The following BLOC1S3 variants were observed in gnomAD, a reference collection of about 807,000 sequenced individuals.
BLOC1S3 encodes biogenesis of lysosome-related organelles complex 1 subunit 3.
BLOC1S3 carries 7 observed loss-of-function variants against 9.1 expected under a neutral mutation model. The ratio of observed to expected loss-of-function variants is 0.77; its 90% CI spans 0.44 to 1.45. The LOEUF (loss-of-function observed/expected upper bound fraction) is 1.45. Among genes scored for constraint, BLOC1S3 ranks in the 40% most tolerant of loss-of-function variants. The pLI is 0.01. For missense variants in BLOC1S3, 307 were observed against 315.2 expected, an observed-to-expected ratio of 0.97 and a Z score of 0.20; for synonymous variants, 145 against 158.4, an observed-to-expected ratio of 0.92 and a Z score of 0.64.
chr19:45,195,396 G>A (rs1359640014), intron 2 of BLOC1S3, among the ~76,000 whole-genome samples: 1 of 151,550 alleles, frequency 6.6e-6, no homozygotes, highest in Non-Finnish European at 1.5e-5. Flanking sequence ...TACCAGAGAC[G>A]GGGTTTTGGA....
chr19:45,216,044 C>CT, intron 3 of BLOC1S3: 1 of 1,610,310 alleles, frequency 6.2e-7, no homozygotes, highest in Non-Finnish European at 8.5e-7. Flanking sequence ...CCAGGCACGG[C>CT]GAGCCCTGGC....
chr19:45,215,509 T>C (rs1181638666), intron 3 of BLOC1S3, among the ~76,000 whole-genome samples: 1 of 152,106 alleles, frequency 6.6e-6, no homozygotes, highest in Non-Finnish European at 1.5e-5. Context: ...AAGATGCTTA[T>C]TTAGGTCTGA....
rs142778658 is a variant in BLOC1S3, at chr19:45,213,911, G to A, written n.283-2765G>A. On this transcript the variant is annotated intron_variant and non_coding_transcript_variant, in intron 3 of 3. Transcript: ENST00000591569. ...AGAGGTTGCAGTGAGCTGAGATCGCGCCACTGCAGTCCAGCCTGGGTGACA... is the reference window on the plus strand; with the variant it reads ...AGAGGTTGCAGTGAGCTGAGATCGCACCACTGCAGTCCAGCCTGGGTGACA... Among the ~76,000 whole-genome samples, 338 of 151,860 alleles carry A rather than the reference G, an allele frequency of 2.2e-3. 11 individuals carry two copies. In the East Asian group the frequency reaches 0.05, roughly 22 times the overall value.
intron 3 of BLOC1S3, among the ~76,000 whole-genome samples, chr19:45,210,228 AG>A (rs1969757648): frequency 7.4e-6 from 1 of 136,046 alleles, no homozygotes; most frequent in Admixed American, 7.2e-5. Flanking sequence ...AATGAGTATG[AG>A]GTTTCTTTAT....
intron 2 of BLOC1S3, among the ~76,000 whole-genome samples, chr19:45,188,796 T>A (rs1427650989): frequency 6.6e-6 from 1 of 151,614 alleles, no homozygotes; most frequent in African/African-American, 2.4e-5. Context: ...GGTCTCGAAC[T>A]CCTGACCTCA....
intron 3 of BLOC1S3, among the ~76,000 whole-genome samples, chr19:45,215,734 C>T (rs1449382313): frequency 1.3e-5 from 2 of 152,144 alleles, no homozygotes; most frequent in African/African-American, 2.4e-5. Context: ...TGTCCCAGTG[C>T]GTGTGCGCCC....
chr19:45,212,892 G>T, intron 3 of BLOC1S3: 1 of 646,770 alleles, frequency 1.5e-6, no homozygotes, highest in South Asian at 3.1e-5. Flanking sequence ...GAGCCACCGT[G>T]CCTGGCGTTT....
chr19:45,184,903 C>CAAACAAA (rs1334862577), downstream of BLOC1S3, among the ~76,000 whole-genome samples: 13 of 48,288 alleles, frequency 2.7e-4, no homozygotes, highest in African/African-American at 9.2e-4. Context: ...CTGTCTCAAA[C>CAAACAAA]AAAAAAAAAA....
rs1188958217 is a variant in BLOC1S3 at position 45,179,876 on chromosome 19, C to G, written c.580C>G (p.Pro194Ala). ...PDIRGVPGTE[P>A]EKDPGPRA ...CATCCGCGGCGTGCCAGGGACCGAGCCTGAGAAAGACCCGGGGCCGCGGGC... is the reference window on the plus strand; with the variant it reads ...CATCCGCGGCGTGCCAGGGACCGAGGCTGAGAAAGACCCGGGGCCGCGGGC... Residue 194 changes from proline to alanine, a missense_variant, in exon 2 of 2, where the codon CCT (proline) becomes GCT (alanine). Pro to Ala is a conservative substitution (Grantham distance 27). Transcript: ENST00000433642. This position sits in a 1 kb window ranked among gnomAD's most constrained non-coding sequence, Gnocchi z 4.6. The G allele has an allele frequency of 2.5e-6, 4 of 1,608,972 alleles. No individual in the cohort carries two copies. The African/African-American group carries it at 5.4e-5, about 22-fold the overall frequency.
chr19:45,194,077 A>G (rs1248031680), intron 2 of BLOC1S3, among the ~76,000 whole-genome samples: 2 of 127,454 alleles, frequency 1.6e-5, no homozygotes, highest in East Asian at 4.6e-4. Flanking sequence ...TGCTGGGATT[A>G]CAGGTGTGAG....
At chr19:45,214,016 C>T (rs558825101) in intron 3 of BLOC1S3, among the ~76,000 whole-genome samples, 55 of 152,082 alleles carry the variant, frequency 3.6e-4, no homozygotes, top group African/African-American at 1.2e-3. Flanking sequence ...CCCTAGGTAC[C>T]TCCTAATCTC....
intron 3 of BLOC1S3, chr19:45,215,929 T>G (rs900632509): frequency 1.3e-5 from 15 of 1,164,350 alleles, no homozygotes; most frequent in Non-Finnish European, 1.7e-5. Context: ...TTATTAATAA[T>G]GCCCTGGTTC....
intron 3 of BLOC1S3, chr19:45,213,004 C>T: frequency 7.1e-7 from 1 of 1,411,178 alleles, no homozygotes; most frequent in Non-Finnish European, 9.2e-7. Flanking sequence ...AGGAGGGGCG[C>T]CGTACGGGAG....
At position 45,179,194 on chromosome 19, in the gene BLOC1S3, G is replaced by T; in HGVS notation, c.-9-94G>T. On this transcript the variant is annotated intron_variant, in intron 1 of 1. Transcript: ENST00000433642. The surrounding 1 kb of genome is among the most constrained non-coding windows in gnomAD (Gnocchi z 4.6). ...GGAGCAGCTGACACCAAGTCGTTAAGAGAATCAGCGAAGGGGCTGGGAATC... is the reference window on the plus strand; with the variant it reads ...GGAGCAGCTGACACCAAGTCGTTAATAGAATCAGCGAAGGGGCTGGGAATC... 1 of 1,347,994 alleles carries T rather than the reference G, an allele frequency of 7.4e-7. No homozygotes were observed. Among genetic ancestry groups the T allele is most frequent in the South Asian group, 1.6e-5 (1 of 60,918 alleles). The allele number at this position is 1,347,994 out of a possible 1,614,324, so 83.5% of individuals were successfully genotyped here. A position where few individuals can be genotyped will look rare whatever the true frequency, so the allele number is the denominator to read the frequency against.
At position 45,179,778 on chromosome 19, in the gene BLOC1S3, G is replaced by C. The variant is rs1340330714; in HGVS notation, c.482G>C (p.Arg161Pro). ...GGGCTGGCGGCGGCCCACAGCGTGC[G>C]CCTGGCGCGCGGGGACCTTTGTGCG... ...AAGLAAAHSV[R>P]LARGDLCALA... Residue 161 changes from arginine (R) to proline (P), a missense_variant, in exon 2 of 2, where the codon CGC becomes CCC. Coordinates refer to ENST00000433642, the MANE Select transcript of BLOC1S3 (RefSeq NM_212550.5). This position sits in a 1 kb window ranked among gnomAD's most constrained non-coding sequence, Gnocchi z 4.6. The C allele has an allele frequency of 1.9e-6, 3 of 1,555,006 alleles. No homozygotes were observed. The highest frequency in any genetic ancestry group is 1.7e-6 in the Non-Finnish European group (2 of 1,157,180).
At chr19:45,214,228 C>G (rs941516121) in intron 3 of BLOC1S3, among the ~76,000 whole-genome samples, 1 of 152,140 alleles carries the variant, frequency 6.6e-6, no homozygotes, top group African/African-American at 2.4e-5. Flanking sequence ...AACTGACCAC[C>G]CTGAATCAAT....
intron 2 of BLOC1S3, among the ~76,000 whole-genome samples, chr19:45,189,784 C>A (rs1455941845): frequency 6.6e-6 from 1 of 151,956 alleles, no homozygotes; most frequent in African/African-American, 2.4e-5. Context: ...AACCTTCTTA[C>A]ATTTGAATAC....
intron 2 of BLOC1S3, among the ~76,000 whole-genome samples, chr19:45,195,816 A>G (rs1212535586): frequency 1.3e-5 from 2 of 152,008 alleles, no homozygotes; most frequent in Non-Finnish European, 2.9e-5. Context: ...GCTGGTCTCG[A>G]CCTCCCAACT....
In BLOC1S3 at chr19:45,181,030, G is replaced by C. The variant is rs1368864788; in HGVS notation, c.*1125G>C. 1 of 167,236 alleles carries C rather than the reference G, an allele frequency of 6.0e-6. No homozygotes were observed. The highest frequency in any genetic ancestry group is 1.5e-5 in the Non-Finnish European group (1 of 68,236). The allele number at this position is 167,236 out of a possible 1,614,324, so 10.4% of individuals were successfully genotyped here. On this transcript the variant is annotated 3_prime_UTR_variant, in exon 2 of 2. Transcript: ENST00000433642. Reference sequence around the variant, plus strand: ...CGTGGGCCACTGCGCCTAGCCAGCTGGGTCCTTGTTCTGCTGCCCAAGCTT... The same window carrying C: ...CGTGGGCCACTGCGCCTAGCCAGCTCGGTCCTTGTTCTGCTGCCCAAGCTT...
Sources: gnomAD v4.1 joint callset for allele counts (sites outside exome capture counted in the v4.1 genomes callset) on GRCh38, gnomAD v4.1.1 for gene constraint, Gnocchi (gnomAD v3.1) non-coding constraint, MANE v1.5 for transcripts, NCBI Gene and HGNC (gene_info 2026-07-23, HGNC 2026-07-21) for gene names.